The following TMEM132D variants were observed in gnomAD, a reference collection of about 807,000 sequenced individuals.
TMEM132D encodes the protein mature OL transmembrane protein.
In TMEM132D, 21 loss-of-function variants were observed where a neutral mutation model predicts 62.3. That is an observed-to-expected ratio of 0.34 (90% CI 0.24 to 0.49). The LOEUF is 0.49. Ranked by LOEUF, TMEM132D falls within the 20% of genes least tolerant of loss-of-function variation. The probability of loss-of-function intolerance (pLI) is 0.99; values close to 1 mark genes in which losing one functional copy is unlikely to be tolerated. For missense variants in TMEM132D, 1,346 were observed against 1,402.8 expected, an observed-to-expected ratio of 0.96 and a Z score of 0.65; for synonymous variants, 621 against 575.6, an observed-to-expected ratio of 1.08 and a Z score of -1.13.
intron 1 of TMEM132D, among the ~76,000 whole-genome samples, chr12:129,863,999 C>T (rs1873980736): frequency 6.6e-6 from 1 of 152,178 alleles, no homozygotes; most frequent in Non-Finnish European, 1.5e-5. Context: ...TGCGCTACCA[C>T]TAGCACCAGT....
intron 2 of TMEM132D, among the ~76,000 whole-genome samples, chr12:129,555,996 C>T (rs145523656): frequency 5.9e-5 from 9 of 152,234 alleles, no homozygotes; most frequent in African/African-American, 1.9e-4. Flanking sequence ...ATGGGTTACA[C>T]GGGATTTATG....
intron 4 of TMEM132D, among the ~76,000 whole-genome samples, chr12:129,328,999 C>CAT (rs535934680): frequency 3.4e-4 from 50 of 147,416 alleles, no homozygotes; most frequent in South Asian, 1.5e-3. Flanking sequence ...ATGTAAAGAA[C>CAT]ATATATATAT....
chr12:129,760,878 T>C (rs1053037008), intron 1 of TMEM132D, among the ~76,000 whole-genome samples: 2 of 152,136 alleles, frequency 1.3e-5, no homozygotes, highest in African/African-American at 2.4e-5. Flanking sequence ...GTTCTCATTG[T>C]TCAACTCCCA....
intron 5 of TMEM132D, among the ~76,000 whole-genome samples, chr12:129,159,632 A>C (rs1877340566): frequency 6.6e-6 from 1 of 151,900 alleles, no homozygotes; most frequent in African/African-American, 2.4e-5. Flanking sequence ...ATGGTAGTGC[A>C]TGCCTGTAAT....
intron 2 of TMEM132D, among the ~76,000 whole-genome samples, chr12:129,660,760 T>C (rs571152117): frequency 1.3e-5 from 2 of 152,176 alleles, no homozygotes; most frequent in Non-Finnish European, 2.9e-5. Context: ...GCTAGGTGTG[T>C]GCCTGGTATT....
At chr12:129,458,399 T>G (rs570938070) in intron 3 of TMEM132D, among the ~76,000 whole-genome samples, 441 of 21,930 alleles carry the variant, frequency 0.02, 2 homozygotes, top group Non-Finnish European at 0.037. Context: ...TGGGCAGAGG[T>G]TTTTTTTTTT....
intron 4 of TMEM132D, among the ~76,000 whole-genome samples, chr12:129,311,583 T>C (rs568232889): frequency 1.3e-5 from 2 of 152,112 alleles, no homozygotes; most frequent in East Asian, 3.9e-4. Flanking sequence ...CAGGTAAACA[T>C]AAAAATAAAG....
intron 2 of TMEM132D, among the ~76,000 whole-genome samples, chr12:129,537,748 T>TG (rs1271803871): frequency 6.6e-6 from 1 of 152,074 alleles, no homozygotes; most frequent in Non-Finnish European, 1.5e-5. Context: ...ACAGAAGAAA[T>TG]GGGGGGTCTC....
intron 1 of TMEM132D, among the ~76,000 whole-genome samples, chr12:129,879,515 A>C (rs889316413): frequency 4.6e-5 from 7 of 152,232 alleles, no homozygotes; most frequent in African/African-American, 1.7e-4. Context: ...AGTCCTGCAA[A>C]GCGAGAAGAA....
At chr12:129,869,561 T>C (rs562516066) in intron 1 of TMEM132D, among the ~76,000 whole-genome samples, 1 of 152,246 alleles carries the variant, frequency 6.6e-6, no homozygotes, top group African/African-American at 2.4e-5. Flanking sequence ...TTTTATTGTT[T>C]GTGGGTTTTT....
chr12:129,502,894 G>A (rs536142125), intron 3 of TMEM132D, among the ~76,000 whole-genome samples: 23 of 152,304 alleles, frequency 1.5e-4, no homozygotes, highest in African/African-American at 5.5e-4. Context: ...GAACAATGGG[G>A]AGCTGTTGTT....
intron 5 of TMEM132D, among the ~76,000 whole-genome samples, chr12:129,143,461 C>T (rs1194731153): frequency 1.3e-5 from 2 of 152,186 alleles, no homozygotes; most frequent in Non-Finnish European, 2.9e-5. Context: ...TATCAGCATT[C>T]CTTCTCCCAG....
In TMEM132D at chr12:129,196,997, C is replaced by A. The variant is rs967931879; in HGVS notation, c.1443+12523G>T. 5.9e-5 allele frequency among the ~76,000 whole-genome samples: 9 copies of A among 152,072 alleles called. No homozygotes were observed. In the South Asian group the frequency reaches 1.9e-3, roughly 32 times the overall value. On this transcript the variant is annotated intron_variant, in intron 5 of 8. Transcript: ENST00000422113. ...AGTCACCACCCGTGAAGAAAAGGCC[C>A]AGTAGAGTCCATGAGCAGAGATTGG...
chr12:129,104,250 T>C (rs990612098), intron 5 of TMEM132D, among the ~76,000 whole-genome samples: 48 of 151,552 alleles, frequency 3.2e-4, no homozygotes, highest in South Asian at 3.2e-3. Flanking sequence ...TATCTACAAC[T>C]ATCTGATCTT....
intron 1 of TMEM132D, among the ~76,000 whole-genome samples, chr12:129,835,324 T>C (rs1872970668): frequency 6.6e-6 from 1 of 152,176 alleles, no homozygotes; most frequent in Admixed American, 6.5e-5. Context: ...AGGATCTTAC[T>C]TTGTCACCCA....
chr12:129,546,598 G>A (rs866817519), intron 2 of TMEM132D, among the ~76,000 whole-genome samples: 1 of 152,006 alleles, frequency 6.6e-6, no homozygotes, highest in South Asian at 2.1e-4. Context: ...TCAGGAGTTC[G>A]AGACCAGCCT....
In TMEM132D at chr12:129,092,722, A is replaced by G. The variant is rs142952030; in HGVS notation, c.1444-8020T>C. ...AAAAAAGAAAGATAACATTAATAAT[A>G]GTGGTAACAATAATAGTAGTGGCTA... On this transcript the variant is annotated intron_variant, in intron 5 of 8. Coordinates refer to ENST00000422113, the MANE Select transcript of TMEM132D (RefSeq NM_133448.3). 2.1e-3 allele frequency among the ~76,000 whole-genome samples: 318 copies of G among 152,338 alleles called. 1 individual carries two copies. The highest frequency in any genetic ancestry group is 6.9e-3 in the African/African-American group (286 of 41,580).
At chr12:129,774,431 T>C (rs541842766) in intron 1 of TMEM132D, among the ~76,000 whole-genome samples, 1 of 152,202 alleles carries the variant, frequency 6.6e-6, no homozygotes, top group East Asian at 1.9e-4. Context: ...CAGGAAGGGA[T>C]TTTCATGGCT....
At chr12:129,505,769 T>C (rs1367711972) in intron 3 of TMEM132D, among the ~76,000 whole-genome samples, 1 of 152,246 alleles carries the variant, frequency 6.6e-6, no homozygotes, top group Non-Finnish European at 1.5e-5. Context: ...CTTATCATTA[T>C]ATAATGTCCC....
Sources: allele counts gnomAD v4.1 joint callset (sites outside exome capture counted in the v4.1 genomes callset), GRCh38; gene constraint gnomAD v4.1.1; transcripts MANE v1.5; gene names NCBI Gene and HGNC (gene_info 2026-07-23, HGNC 2026-07-21).